Variants in MYO1H observed in about 807,000 individuals in gnomAD.
MYO1H encodes the protein unconventional myosin-Ih.
A neutral mutation model predicts 149.3 loss-of-function variants in MYO1H; 118 were observed. The ratio of observed to expected loss-of-function variants is 0.79; its 90% CI spans 0.68 to 0.92. The LOEUF (loss-of-function observed/expected upper bound fraction) is 0.92, where lower values mean the gene tolerates loss of function less well. Ranked by LOEUF, MYO1H falls within the 40% of genes least tolerant of loss-of-function variation. MYO1H has a pLI of 0.00. For synonymous variants in MYO1H, 447 were observed against 465.2 expected, an observed-to-expected ratio of 0.96 and a Z score of 0.50; for missense variants, 1,212 against 1,280.7, an observed-to-expected ratio of 0.95 and a Z score of 0.82.
At chr12:109,350,158 G>T (rs962031045) in intron 1 of MYO1H, among the ~76,000 whole-genome samples, 2 of 152,018 alleles carry the variant, frequency 1.3e-5, no homozygotes, top group Non-Finnish European at 2.9e-5. Context: ...TGTCCACATG[G>T]TAGCATATTT....
At chr12:109,445,490 T>A (rs774485103) in intron 30 of MYO1H, 23 bp from the exon 31 acceptor site, 2 of 1,539,786 alleles carry the variant, frequency 1.3e-6, no homozygotes, top group East Asian at 2.3e-5. Flanking sequence ...ATGTCAGTAA[T>A]GTGTCACTTT....
At chr12:109,405,234 T>A (rs1870324575) in intron 7 of MYO1H, among the ~76,000 whole-genome samples, 1 of 151,858 alleles carries the variant, frequency 6.6e-6, no homozygotes, top group Non-Finnish European at 1.5e-5. Flanking sequence ...GATAGATGGA[T>A]GGATAGATAG....
At chr12:109,395,911 T>A (rs1869877329) in intron 3 of MYO1H, among the ~76,000 whole-genome samples, 1 of 149,914 alleles carries the variant, frequency 6.7e-6, no homozygotes, top group Non-Finnish European at 1.5e-5. Flanking sequence ...TTTGTTGTTG[T>A]TGATGTTGTT....
chr12:109,335,951 T>G, the MYO1H span, among the ~76,000 whole-genome samples: 1 of 152,192 alleles, frequency 6.6e-6, no homozygotes, highest in African/African-American at 2.4e-5. Flanking sequence ...TTAGATTTTC[T>G]AAGCACATCA....
exon 6 of MYO1H, chr12:109,401,218 C>G (rs1187312802): frequency 6.2e-7 from 1 of 1,613,686 alleles, no homozygotes; most frequent in Admixed American, 1.7e-5. Flanking sequence ...AAGAGGAGCG[C>G]CTGTCTTACC....
At chr12:109,386,595 A>G (rs772660529) in intron 1 of MYO1H, among the ~76,000 whole-genome samples, 1 of 152,176 alleles carries the variant, frequency 6.6e-6, no homozygotes, top group African/African-American at 2.4e-5. Flanking sequence ...GATGACTAAC[A>G]ATGTTGACCA....
rs1284577709 is a variant in MYO1H at position 109,442,313 on chromosome 12, C to T, written c.2688+41C>T. 6 of 1,577,882 alleles carry T rather than the reference C, an allele frequency of 3.8e-6. No individual in the cohort carries two copies. The South Asian group carries it at 4.4e-5, about 12-fold the overall frequency. On this transcript the variant is annotated intron_variant, in intron 27 of 31. Transcript: ENST00000310903. ...TCCTCAGTCTCAAACAGGATTCCCT[C>T]ATCGAGTCTAAGAGCAGGGTCCCCT...
At chr12:109,366,323 A>G (rs1248713765) in intron 1 of MYO1H, among the ~76,000 whole-genome samples, 4 of 152,222 alleles carry the variant, frequency 2.6e-5, no homozygotes, top group Non-Finnish European at 5.9e-5. Flanking sequence ...TCTGTGTACC[A>G]ATGGCCCATC....
intron 15 of MYO1H, among the ~76,000 whole-genome samples, chr12:109,420,713 TACATTTGGTTGTC>T (rs965323085): frequency 6.6e-6 from 1 of 151,868 alleles, no homozygotes; most frequent in African/African-American, 2.4e-5. Flanking sequence ...AATCTAGAAA[TACATTTGGTTGTC>T]ACAACTGGGG....
upstream of MYO1H, among the ~76,000 whole-genome samples, chr12:109,344,926 T>C (rs1319382851): frequency 6.6e-6 from 1 of 152,194 alleles, no homozygotes; most frequent in Non-Finnish European, 1.5e-5. Flanking sequence ...CCACATGCAA[T>C]GTTATAAAGT....
intron 4 of MYO1H, 62 bp from the exon 5 acceptor site, chr12:109,397,670 G>T: frequency 7.5e-7 from 1 of 1,324,840 alleles, no homozygotes; most frequent in Non-Finnish European, 1.0e-6. Flanking sequence ...TATTATTTGG[G>T]GTCAGGAATT....
At chr12:109,410,258 C>T (rs1228268963) in intron 12 of MYO1H, among the ~76,000 whole-genome samples, 190 bp downstream of exon 12, 2 of 152,140 alleles carry the variant, frequency 1.3e-5, no homozygotes, top group African/African-American at 2.4e-5. Flanking sequence ...CCTCCTGCCT[C>T]AGCCTCCTAA....
the MYO1H span, among the ~76,000 whole-genome samples, chr12:109,342,448 AT>A: frequency 1.3e-5 from 2 of 148,480 alleles, no homozygotes; most frequent in African/African-American, 2.5e-5. Flanking sequence ...TCCAGTCCTG[AT>A]TTTTTTTAAT....
Position 109,440,736 on chromosome 12 carries a change from C to T in MYO1H, c.2455-8C>T, listed in dbSNP as rs1291694199. On this transcript the variant is annotated splice_region_variant and splice_polypyrimidine_tract_variant and intron_variant, in intron 24 of 31. Transcript: ENST00000310903. ...AGGCAAGTGGAAAGAAGTGTGTTCT[C>T]CACACAGGCATCAGATCTGCTCAGG... The T allele has an allele frequency of 1.3e-6, 2 of 1,556,274 alleles. No individual in the cohort carries two copies. Among genetic ancestry groups the T allele is most frequent in the Non-Finnish European group, 1.7e-6 (2 of 1,149,122 alleles).
intron 4 of MYO1H, 40 bp downstream of exon 4, chr12:109,396,622 G>A (rs1166983398): frequency 1.9e-6 from 3 of 1,559,098 alleles, no homozygotes; most frequent in South Asian, 2.4e-5. Context: ...GAGTTCCAGG[G>A]AGGTCACTAA....
At chr12:109,426,529 A>AAATAAT (rs1309036258) in intron 18 of MYO1H, among the ~76,000 whole-genome samples, 1 of 152,022 alleles carries the variant, frequency 6.6e-6, no homozygotes. Flanking sequence ...CTATCTCAAA[A>AAATAAT]AATAATAATA....
chr12:109,412,995 T>C (rs1225827628), intron 14 of MYO1H, among the ~76,000 whole-genome samples: 1 of 139,010 alleles, frequency 7.2e-6, no homozygotes, highest in Non-Finnish European at 1.5e-5. Context: ...TATTATTATT[T>C]GAGACAGAGT....
rs10633763 is a variant in MYO1H, at chr12:109,349,961, GA to G, written c.12+2002del. Among the ~76,000 whole-genome samples the G allele has an allele frequency of 5.2e-4, 68 of 131,850 alleles. 1 individual carries two copies. Among genetic ancestry groups the G allele is most frequent in the South Asian group, 2.2e-3 (9 of 4,076 alleles). 86.5% of individuals were successfully genotyped at this position (131,850 alleles called of 152,430 possible). A position where few individuals can be genotyped will look rare whatever the true frequency, so the allele number is the denominator to read the frequency against. On this transcript the variant is annotated intron_variant, in intron 1 of 31. Transcript: ENST00000310903. Reference sequence around the variant, plus strand: ...GGGCGACAGAGCAAGACTCTGTCTTGAAAAAAAAAAAAAGTTAATATTATTA... The same window carrying G: ...GGGCGACAGAGCAAGACTCTGTCTTGAAAAAAAAAAAAGTTAATATTATTA...
intron 1 of MYO1H, among the ~76,000 whole-genome samples, chr12:109,375,178 G>A (rs1177103264): frequency 4.2e-5 from 4 of 95,232 alleles, no homozygotes; most frequent in African/African-American, 3.8e-5. Context: ...TTTTTGACAA[G>A]GTCTGGCTCT....
Sources: gnomAD v4.1 joint callset for allele counts (sites outside exome capture counted in the v4.1 genomes callset) on GRCh38, gnomAD v4.1.1 for gene constraint, MANE v1.5 for transcripts, NCBI Gene and HGNC (gene_info 2026-07-23, HGNC 2026-07-21) for gene names.